ACTR3C: variants seen among roughly 807,000 people sequenced by gnomAD.
The protein encoded by ACTR3C is actin-related protein 3C.
A neutral mutation model predicts 26.3 loss-of-function variants in ACTR3C; 18 were observed. The observed-to-expected ratio is 0.68, with a 90% CI of 0.47 to 1.01. The LOEUF (loss-of-function observed/expected upper bound fraction) is 1.01. ACTR3C is among the 50% of genes least tolerant of loss of function. ACTR3C has a pLI of 0.00. For missense variants in ACTR3C, 184 were observed against 250.7 expected (o/e 0.73, Z 1.80); for synonymous variants, 55 against 94.5 (o/e 0.58, Z 2.42).
At chr7:150,202,981 C>T in the ACTR3C span, among the ~76,000 whole-genome samples, 5 of 152,192 alleles carry the variant, frequency 3.3e-5, no homozygotes, top group Non-Finnish European at 7.3e-5. Context: ...CCACTAAGAC[C>T]GTTTTCACGA....
the ACTR3C span, among the ~76,000 whole-genome samples, chr7:150,039,749 C>CA: frequency 1.4e-5 from 2 of 140,350 alleles, no homozygotes; most frequent in Non-Finnish European, 3.2e-5. Flanking sequence ...GGGTGCCTCC[C>CA]CCTCCTGCGA....
the ACTR3C span, among the ~76,000 whole-genome samples, chr7:150,093,127 A>G: frequency 6.6e-6 from 1 of 151,376 alleles, no homozygotes; most frequent in Non-Finnish European, 1.5e-5. Context: ...ATATCTGTCC[A>G]ATTTTCTCTT....
At chr7:150,208,237 G>C in the ACTR3C span, among the ~76,000 whole-genome samples, 1 of 152,150 alleles carries the variant, frequency 6.6e-6, no homozygotes, top group Non-Finnish European at 1.5e-5. Flanking sequence ...TGAGAGTCTG[G>C]GGAGAACAAG....
At chr7:150,049,606 A>C in the ACTR3C span, among the ~76,000 whole-genome samples, 1 of 152,214 alleles carries the variant, frequency 6.6e-6, no homozygotes, top group Non-Finnish European at 1.5e-5. Flanking sequence ...GCATTGCCCC[A>C]AGCCCAGAGA....
the ACTR3C span, among the ~76,000 whole-genome samples, chr7:150,191,436 A>AT: frequency 2.6e-5 from 4 of 152,332 alleles, no homozygotes; most frequent in East Asian, 5.8e-4. Flanking sequence ...TCCTGTAAAT[A>AT]TTTTTTAGAT....
At chr7:149,937,548 G>A in the ACTR3C span, among the ~76,000 whole-genome samples, 1 of 152,174 alleles carries the variant, frequency 6.6e-6, no homozygotes, top group African/African-American at 2.4e-5. Flanking sequence ...AGGAAGAGGA[G>A]TGAGAAGAGA....
chr7:150,176,487 TTCTG>T, the ACTR3C span, among the ~76,000 whole-genome samples: 1 of 151,158 alleles, frequency 6.6e-6, no homozygotes, highest in Middle Eastern at 3.4e-3. Flanking sequence ...TAAGTCACTC[TTCTG>T]TCTTTTACAA....
chr7:150,123,812 G>A, the ACTR3C span, among the ~76,000 whole-genome samples: 1 of 152,142 alleles, frequency 6.6e-6, no homozygotes, highest in African/African-American at 2.4e-5. Context: ...ATGAAAAGTG[G>A]GGCTACCGTG....
chr7:149,893,203 A>G, the ACTR3C span, among the ~76,000 whole-genome samples: 1 of 152,154 alleles, frequency 6.6e-6, no homozygotes, highest in Non-Finnish European at 1.5e-5. Context: ...CTCGACATCA[A>G]CACCATCTCC....
chr7:149,985,579 C>T, the ACTR3C span, among the ~76,000 whole-genome samples: 2 of 152,222 alleles, frequency 1.3e-5, no homozygotes, highest in African/African-American at 4.8e-5. Flanking sequence ...GGAGTGGGCA[C>T]CACCCAATCC....
At chr7:150,152,838 A>G in the ACTR3C span, among the ~76,000 whole-genome samples, 306 of 152,252 alleles carry the variant, frequency 2.0e-3, 1 homozygote, top group African/African-American at 6.9e-3. Flanking sequence ...GTCTATTCAG[A>G]GAGTCAACTT....
chr7:150,102,272 A>T, the ACTR3C span, among the ~76,000 whole-genome samples: 1 of 151,864 alleles, frequency 6.6e-6, no homozygotes, highest in East Asian at 1.9e-4. Flanking sequence ...CAACCTAAAG[A>T]TAGGATGTGG....
At chr7:150,083,462 T>C in the ACTR3C span, among the ~76,000 whole-genome samples, 1 of 151,982 alleles carries the variant, frequency 6.6e-6, no homozygotes, top group Non-Finnish European at 1.5e-5. Flanking sequence ...AGTTACTCGG[T>C]AGGCTGAGGC....
At chr7:150,063,592 T>G in the ACTR3C span, among the ~76,000 whole-genome samples, 1 of 151,630 alleles carries the variant, frequency 6.6e-6, no homozygotes, top group Non-Finnish European at 1.5e-5. Flanking sequence ...GTCTAGAGAT[T>G]TTCAAATGTC....
chr7:150,118,500 C>T, the ACTR3C span, among the ~76,000 whole-genome samples: 1 of 147,026 alleles, frequency 6.8e-6, no homozygotes, highest in Non-Finnish European at 1.5e-5. Flanking sequence ...TGAAGATCAA[C>T]TTAATGAAAT....
the ACTR3C span, chr7:149,892,210 C>T: frequency 7.5e-7 from 1 of 1,329,812 alleles, no homozygotes. Context: ...TTCTAGATGA[C>T]CATTTTGCAT....
the ACTR3C span, among the ~76,000 whole-genome samples, chr7:150,106,816 G>A: frequency 7.6e-5 from 11 of 145,394 alleles, no homozygotes; most frequent in Non-Finnish European, 1.3e-4. Context: ...GGGCATACAG[G>A]TGCTTCCCTG....
At chr7:149,908,103 C>T in the ACTR3C span, among the ~76,000 whole-genome samples, 1 of 151,846 alleles carries the variant, frequency 6.6e-6, no homozygotes, top group African/African-American at 2.4e-5. Flanking sequence ...CCAGCGAGGT[C>T]CCCAGCAACC....
At chr7:150,076,027 T>C in the ACTR3C span, among the ~76,000 whole-genome samples, 1 of 152,088 alleles carries the variant, frequency 6.6e-6, no homozygotes, top group African/African-American at 2.4e-5. Flanking sequence ...ATTTTACAGA[T>C]TGTCTCAATC....
Sources: allele counts gnomAD v4.1 joint callset (sites outside exome capture counted in the v4.1 genomes callset), GRCh38; gene constraint gnomAD v4.1.1; transcripts MANE v1.5; gene names NCBI Gene and HGNC (gene_info 2026-07-23, HGNC 2026-07-21).